The following SBNO1 variants were observed in gnomAD, a reference collection of about 807,000 sequenced individuals.
SBNO1 encodes the protein strawberry notch homolog 1, also known as protein strawberry notch homolog 1.
SBNO1 carries 23 observed loss-of-function variants against 173.6 expected under a neutral mutation model. The observed-to-expected ratio is 0.13, with a 90% CI of 0.10 to 0.19. SBNO1 has a LOEUF of 0.19. SBNO1 is among the 10% of genes least tolerant of loss of function. The pLI is 1.00. For missense variants in SBNO1, 1,238 were observed against 1,671.2 expected, an observed-to-expected ratio of 0.74 and a Z score of 4.52; for synonymous variants, 632 against 571.5, an observed-to-expected ratio of 1.11 and a Z score of -1.51.
chr12:123,341,351 A>G (rs922120498), intron 4 of SBNO1, among the ~76,000 whole-genome samples: 1 of 151,988 alleles, frequency 6.6e-6, no homozygotes, highest in Non-Finnish European at 1.5e-5. Flanking sequence ...CGGGAGACTG[A>G]GGCAGAGAAT....
intron 1 of SBNO1, among the ~76,000 whole-genome samples, chr12:123,357,522 C>G (rs558854710): frequency 3.4e-4 from 51 of 151,938 alleles, no homozygotes; most frequent in African/African-American, 1.1e-3. Flanking sequence ...GCAGGCGGAT[C>G]ACAAGGTCAA....
chr12:123,346,073 C>G (rs1873099874), intron 3 of SBNO1, among the ~76,000 whole-genome samples: 1 of 152,174 alleles, frequency 6.6e-6, no homozygotes, highest in African/African-American at 2.4e-5. Context: ...CTTTCTATAA[C>G]TGTCAGGGAT....
intron 1 of SBNO1, among the ~76,000 whole-genome samples, chr12:123,356,123 A>G (rs1210061778): frequency 2.0e-5 from 3 of 152,176 alleles, no homozygotes; most frequent in African/African-American, 7.2e-5. Flanking sequence ...GAGTCGGACA[A>G]AATACCTAGG....
Position 123,292,074 on chromosome 12 carries a change from G to A in SBNO1, c.*3834C>T, listed in dbSNP as rs1042956657. The stretch of plus-strand genomic sequence containing the variant: ...CTCAGCTGTAGCCCTGACATGAAAC[G>A]CTTGCTACGTTTCTGCAGCAAAGTG... On this transcript the variant is annotated 3_prime_UTR_variant, in exon 32 of 32. Coordinates refer to ENST00000602398, the MANE Select transcript of SBNO1 (RefSeq NM_001167856.3). 1 of 149,174 alleles carries A rather than the reference G, an allele frequency of 6.7e-6. No individual in the cohort carries two copies. Among genetic ancestry groups the A allele is most frequent in the Non-Finnish European group, 1.5e-5 (1 of 67,744 alleles). The allele number at this position is 149,174 out of a possible 1,614,324, so 9.2% of individuals were successfully genotyped here. A position where few individuals can be genotyped will look rare whatever the true frequency, so the allele number is the denominator to read the frequency against.
chr12:123,303,636 C>A (rs1045599587), intron 29 of SBNO1, among the ~76,000 whole-genome samples: 1 of 139,844 alleles, frequency 7.2e-6, no homozygotes, highest in Admixed American at 7.3e-5. Flanking sequence ...GGTAACAGAA[C>A]CTTAGAAGTT....
chr12:123,321,059 C>T (rs1309301512), intron 17 of SBNO1, among the ~76,000 whole-genome samples, 193 bp from the exon 18 acceptor site: 1 of 152,174 alleles, frequency 6.6e-6, no homozygotes, highest in African/African-American at 2.4e-5. Context: ...CCTGCCTCAG[C>T]CTCCTGAGTA....
At chr12:123,331,449 A>G in intron 7 of SBNO1, 74 bp from the exon 8 acceptor site, 1 of 1,255,388 alleles carries the variant, frequency 8.0e-7, no homozygotes, top group South Asian at 1.3e-5. Flanking sequence ...ACACTGTTTT[A>G]GGAGTAGGAA....
In SBNO1 at chr12:123,296,046, C is replaced by T. The variant is rs1299803914; in HGVS notation, c.4044G>A (p.Leu1348=). The T allele has an allele frequency of 1.2e-6, 2 of 1,608,526 alleles. No homozygotes were observed. Among genetic ancestry groups the T allele is most frequent in the African/African-American group, 2.7e-5 (2 of 74,806 alleles). The change falls in exon 32 of 32, where the codon TTG becomes TTA. Residue 1348 remains leucine (L), a synonymous_variant. Transcript: ENST00000602398. ...GAGACACACAATTTGCCGGAATGATCAAACCTGTAATTAGTAACAAGAATT... is the reference window on the plus strand; with the variant it reads ...GAGACACACAATTTGCCGGAATGATTAAACCTGTAATTAGTAACAAGAATT... ...RTEDGQRIVG[L]IIPANCVSPL... is the part of the protein sequence containing the mutation.
chr12:123,349,828 T>C (rs1873668991), intron 2 of SBNO1, among the ~76,000 whole-genome samples: 2 of 151,998 alleles, frequency 1.3e-5, no homozygotes, highest in Admixed American at 1.3e-4. Flanking sequence ...GGCAAGAGAA[T>C]TGTGAACCCA....
intron 31 of SBNO1, among the ~76,000 whole-genome samples, chr12:123,296,775 G>T (rs2048611678): frequency 6.6e-6 from 1 of 151,854 alleles, no homozygotes; most frequent in African/African-American, 2.4e-5. Flanking sequence ...TGGCCAGGAT[G>T]ATCTCGATCT....
intron 8 of SBNO1, 142 bp from the exon 9 acceptor site, chr12:123,330,651 T>A (rs2139001390): frequency 5.1e-6 from 3 of 585,722 alleles, no homozygotes; most frequent in South Asian, 4.4e-5. Flanking sequence ...TAAAACACCA[T>A]CCCACTGAGT....
intron 17 of SBNO1, 58 bp from the exon 18 acceptor site, chr12:123,320,924 C>A: frequency 7.6e-7 from 1 of 1,312,822 alleles, no homozygotes; most frequent in South Asian, 1.5e-5. Flanking sequence ...ACAGAATCTT[C>A]AAAGGAAACA....
intron 24 of SBNO1, 102 bp downstream of exon 24, chr12:123,313,518 T>C (rs1020466042): frequency 3.2e-6 from 2 of 625,436 alleles, no homozygotes; most frequent in East Asian, 2.8e-5. Context: ...ATACAATTTA[T>C]GTCCAAAGAA....
At chr12:123,315,326 C>G (rs1448596129) in intron 23 of SBNO1, 47 bp downstream of exon 23, 1 of 1,418,194 alleles carries the variant, frequency 7.1e-7, no homozygotes, top group Non-Finnish European at 1.0e-6. Flanking sequence ...CCGAAAGACA[C>G]CATACACTAT....
chr12:123,310,577 G>C (rs1006942185), intron 25 of SBNO1, among the ~76,000 whole-genome samples: 15 of 147,222 alleles, frequency 1.0e-4, no homozygotes, highest in East Asian at 2.0e-4. Flanking sequence ...TATTGTCGCC[G>C]AAGTTGGAGT....
chr12:123,331,501 ATT>A, intron 7 of SBNO1, 126 bp from the exon 8 acceptor site: 1 of 861,822 alleles, frequency 1.2e-6, no homozygotes, highest in Non-Finnish European at 1.7e-6. Context: ...TTGTGACTTT[ATT>A]TTTACATAAA....
At chr12:123,360,692 C>T (rs969280700) in intron 1 of SBNO1, among the ~76,000 whole-genome samples, 12 of 151,990 alleles carry the variant, frequency 7.9e-5, no homozygotes, top group African/African-American at 2.9e-4. Flanking sequence ...ATCCACCAGC[C>T]TCGGCCCCCT....
chr12:123,353,009 G>A (rs1439858196), intron 1 of SBNO1, among the ~76,000 whole-genome samples: 1 of 152,160 alleles, frequency 6.6e-6, no homozygotes, highest in African/African-American at 2.4e-5. Context: ...TATTGCCCAG[G>A]CTGGTCTCAA....
At position 123,332,138 on chromosome 12, in the gene SBNO1, C is replaced by T. The variant is rs560827295; in HGVS notation, c.910-763G>A. ...TGCTGAGATTACAGGCACGAGTCACCGCGCCCAGCTCAATGTGAATACTTT... is the reference window on the plus strand; with the variant it reads ...TGCTGAGATTACAGGCACGAGTCACTGCGCCCAGCTCAATGTGAATACTTT... On this transcript the variant is annotated intron_variant, in intron 7 of 31. Transcript: ENST00000602398. 4.9e-4 allele frequency among the ~76,000 whole-genome samples: 74 copies of T among 152,112 alleles called. 1 individual carries two copies. The East Asian group carries it at 7.6e-3, about 16-fold the overall frequency.
Sources: allele counts gnomAD v4.1 joint callset (sites outside exome capture counted in the v4.1 genomes callset), GRCh38; gene constraint gnomAD v4.1.1; transcripts MANE v1.5; gene names NCBI Gene and HGNC (gene_info 2026-07-23, HGNC 2026-07-21).